The following TLN2 variants were observed in gnomAD, a reference collection of about 807,000 sequenced individuals.
TLN2 encodes talin-2.
A neutral mutation model predicts 294.7 loss-of-function variants in TLN2; 118 were observed. The observed-to-expected ratio is 0.40, with a 90% CI of 0.34 to 0.47. The LOEUF (loss-of-function observed/expected upper bound fraction) is 0.47, where lower values mean the gene tolerates loss of function less well. TLN2 is among the 20% of genes least tolerant of loss of function. TLN2 has a pLI of 0.84. For synonymous variants in TLN2, 1,431 were observed against 1,304.5 expected (o/e 1.10, Z -2.09); for missense variants, 3,083 against 3,282.2 (o/e 0.94, Z 1.48).
At chr15:62,727,840 A>G (rs972681009) in intron 28 of TLN2, among the ~76,000 whole-genome samples, 1 of 152,240 alleles carries the variant, frequency 6.6e-6, no homozygotes, top group Non-Finnish European at 1.5e-5. Context: ...ACATTTCTTA[A>G]AAATATGTAT....
At chr15:62,742,023 G>GTTT (rs755415181) in intron 32 of TLN2, among the ~76,000 whole-genome samples, 1 of 35,338 alleles carries the variant, frequency 2.8e-5, no homozygotes, top group African/African-American at 1.1e-4. Flanking sequence ...GCTTGTAGTG[G>GTTT]GGTGTGTGTG....
rs1303193216 is a variant in TLN2, at chr15:62,698,851, C to T, written c.1571C>T (p.Pro524Leu). The change falls in exon 16 of 59, where the codon CCT (proline) becomes CTT (leucine). Residue 524 changes from proline to leucine, a missense_variant. Physicochemically the swap from Pro to Leu is moderately conservative, Grantham distance 98. Coordinates refer to ENST00000636159, the MANE Select transcript of TLN2 (RefSeq NM_015059.3). Reference sequence around the variant, plus strand: ...CTCAGTGAGCTCGACTCGCTGCCACCTCTCGGCCAGGATATGGTAAATACT... The same window carrying T: ...CTCAGTGAGCTCGACTCGCTGCCACTTCTCGGCCAGGATATGGTAAATACT... ...DDLSELDSLP[P>L]LGQDMASRVW... 1 of 1,612,850 alleles carries T rather than the reference C, an allele frequency of 6.2e-7. No individual in the cohort carries two copies. Among genetic ancestry groups the T allele is most frequent in the Non-Finnish European group, 8.5e-7 (1 of 1,179,988 alleles).
intron 1 of TLN2, among the ~76,000 whole-genome samples, chr15:62,458,661 T>G (rs2036622577): frequency 6.6e-6 from 1 of 150,990 alleles, no homozygotes; most frequent in Non-Finnish European, 1.5e-5. Context: ...CCCGGCTGCT[T>G]TGGAGGCTGA....
chr15:62,813,170 A>G (rs1378497769), intron 52 of TLN2, among the ~76,000 whole-genome samples: 1 of 152,144 alleles, frequency 6.6e-6, no homozygotes, highest in South Asian at 2.1e-4. Flanking sequence ...GACCATTGAC[A>G]TTTCAGTTGA....
intron 1 of TLN2, among the ~76,000 whole-genome samples, chr15:62,494,473 T>C (rs1243724403): frequency 6.6e-6 from 1 of 152,070 alleles, no homozygotes. Context: ...TACACTTTGT[T>C]AACCTTTTTT....
chr15:62,756,747 G>T (rs537680632), intron 37 of TLN2, among the ~76,000 whole-genome samples: 1 of 152,256 alleles, frequency 6.6e-6, no homozygotes, highest in South Asian at 2.1e-4. Context: ...CAAAAAGCCA[G>T]TGCAATTGCA....
intron 2 of TLN2, among the ~76,000 whole-genome samples, chr15:62,608,787 CTGG>C (rs1298117231): frequency 1.3e-5 from 2 of 151,996 alleles, no homozygotes; most frequent in African/African-American, 4.8e-5. Flanking sequence ...CTGTGCAGAA[CTGG>C]TGAATGCAAG....
chr15:62,513,079 G>C (rs1256346556), intron 1 of TLN2, among the ~76,000 whole-genome samples: 5 of 152,144 alleles, frequency 3.3e-5, no homozygotes, highest in Admixed American at 3.3e-4. Context: ...CCAAGTGGCA[G>C]CTGCTACATA....
chr15:62,570,322 T>C (rs932440308), intron 1 of TLN2, among the ~76,000 whole-genome samples: 5 of 152,212 alleles, frequency 3.3e-5, no homozygotes, highest in Admixed American at 3.3e-4. Context: ...GAATAATCTT[T>C]GGTAAACATG....
At chr15:62,501,587 T>G (rs2039310861) in intron 1 of TLN2, among the ~76,000 whole-genome samples, 1 of 152,194 alleles carries the variant, frequency 6.6e-6, no homozygotes, top group Non-Finnish European at 1.5e-5. Flanking sequence ...TAAGACCACT[T>G]GCTGTGGTGC....
chr15:62,600,324 A>G (rs1379888620), intron 2 of TLN2, among the ~76,000 whole-genome samples: 1 of 152,212 alleles, frequency 6.6e-6, no homozygotes, highest in Non-Finnish European at 1.5e-5. Flanking sequence ...AATTCAGCAC[A>G]TTAGGCAAAA....
intron 1 of TLN2, among the ~76,000 whole-genome samples, chr15:62,514,075 C>T (rs2040066440): frequency 6.6e-6 from 1 of 152,354 alleles, no homozygotes. Context: ...CTAGTTTTTG[C>T]ATAATATATG....
chr15:62,391,751 C>T (rs1283525039), intron 1 of TLN2, among the ~76,000 whole-genome samples: 1 of 152,250 alleles, frequency 6.6e-6, no homozygotes, highest in Non-Finnish European at 1.5e-5. Context: ...GGCTTGGGAA[C>T]GAGAGCCGCC....
chr15:62,677,099 C>T (rs1282665249), intron 11 of TLN2, among the ~76,000 whole-genome samples: 1 of 152,210 alleles, frequency 6.6e-6, no homozygotes, highest in Non-Finnish European at 1.5e-5. Flanking sequence ...CACCTGCTTC[C>T]ACCGTTCTAG....
intron 9 of TLN2, among the ~76,000 whole-genome samples, chr15:62,664,974 G>C (rs893850688): frequency 6.8e-6 from 1 of 147,202 alleles, no homozygotes; most frequent in Non-Finnish European, 1.5e-5. Context: ...AAGCAGATAT[G>C]ACAACATGTC....
At chr15:62,459,236 G>A (rs1274244519) in intron 1 of TLN2, among the ~76,000 whole-genome samples, 1 of 150,832 alleles carries the variant, frequency 6.6e-6, no homozygotes. Context: ...TCTTGACCTC[G>A]TGATCCACCT....
intron 11 of TLN2, among the ~76,000 whole-genome samples, chr15:62,676,538 A>G (rs547760332): frequency 2.6e-5 from 4 of 152,340 alleles, no homozygotes; most frequent in African/African-American, 7.2e-5. Context: ...AACAGCAATA[A>G]TGTTTAGTAA....
intron 12 of TLN2, among the ~76,000 whole-genome samples, chr15:62,691,925 C>G (rs748900210): frequency 2.6e-5 from 4 of 152,200 alleles, no homozygotes; most frequent in Non-Finnish European, 5.9e-5. Flanking sequence ...CCTCTCGCCT[C>G]AACCTCCCAA....
At chr15:62,495,598 C>T (rs1224516453) in intron 1 of TLN2, among the ~76,000 whole-genome samples, 2 of 152,186 alleles carry the variant, frequency 1.3e-5, no homozygotes, top group East Asian at 1.9e-4. Context: ...ACACATGGAA[C>T]AGAATTTTTT....
Sources: allele counts gnomAD v4.1 joint callset (sites outside exome capture counted in the v4.1 genomes callset), GRCh38; gene constraint gnomAD v4.1.1; transcripts MANE v1.5; gene names NCBI Gene and HGNC (gene_info 2026-07-23, HGNC 2026-07-21).